NRG1: variants seen among roughly 807,000 people sequenced by gnomAD.
NRG1 encodes pro-neuregulin-1, membrane-bound isoform.
In NRG1, 18 loss-of-function variants were observed where a neutral mutation model predicts 63.8. That is an observed-to-expected ratio of 0.28 (90% CI 0.19 to 0.42). The LOEUF (loss-of-function observed/expected upper bound fraction) is 0.42. Ranked by LOEUF, NRG1 falls within the 10% of genes least tolerant of loss-of-function variation. The pLI is 1.00. For synonymous variants in NRG1, 302 were observed against 301.3 expected (o/e 1.00, Z -0.02); for missense variants, 762 against 814.7 (o/e 0.94, Z 0.79).
chr8:32,118,380 C>T (rs776166043), intron 1 of NRG1, among the ~76,000 whole-genome samples: 6 of 152,116 alleles, frequency 3.9e-5, no homozygotes, highest in African/African-American at 1.4e-4. Context: ...CTTCCTCTCT[C>T]TCCATGTGAT....
chr8:32,474,387 C>A (rs767096593), intron 1 of NRG1, among the ~76,000 whole-genome samples: 1 of 152,070 alleles, frequency 6.6e-6, no homozygotes, highest in Non-Finnish European at 1.5e-5. Flanking sequence ...CTCTCCCATG[C>A]GGTCTCTATT....
At chr8:32,540,723 C>T (rs759619248) in intron 1 of NRG1, among the ~76,000 whole-genome samples, 5 of 152,086 alleles carry the variant, frequency 3.3e-5, no homozygotes, top group Non-Finnish European at 5.9e-5. Flanking sequence ...TTTCTCTGGG[C>T]GCCAAAGAAT....
chr8:32,020,972 C>A (rs1401874243), intron 1 of NRG1, among the ~76,000 whole-genome samples: 2 of 152,120 alleles, frequency 1.3e-5, no homozygotes, highest in Non-Finnish European at 2.9e-5. Flanking sequence ...TCTCTTAAGG[C>A]AACTAGCATA....
intron 1 of NRG1, among the ~76,000 whole-genome samples, chr8:32,381,548 T>A (rs1164073657): frequency 6.6e-6 from 1 of 152,194 alleles, no homozygotes; most frequent in African/African-American, 2.4e-5. Flanking sequence ...TTTGGAATAA[T>A]AATTATATTC....
chr8:31,833,154 A>G (rs767398730), intron 1 of NRG1, among the ~76,000 whole-genome samples: 5 of 152,148 alleles, frequency 3.3e-5, no homozygotes, highest in Non-Finnish European at 7.4e-5. Flanking sequence ...GCACATAGAG[A>G]AGAGTGGGAT....
At chr8:32,121,723 G>C (rs1222131483) in intron 1 of NRG1, among the ~76,000 whole-genome samples, 1 of 151,976 alleles carries the variant, frequency 6.6e-6, no homozygotes, top group Non-Finnish European at 1.5e-5. Flanking sequence ...AAATCAGAGA[G>C]AGAAAGAGAG....
chr8:31,770,371 C>T (rs1013698692), intron 1 of NRG1, among the ~76,000 whole-genome samples: 1 of 151,978 alleles, frequency 6.6e-6, no homozygotes, highest in African/African-American at 2.4e-5. Context: ...GTTGCTGCAG[C>T]GTGATGGTTC....
chr8:31,757,893 C>T (rs1817137937), intron 1 of NRG1, among the ~76,000 whole-genome samples: 1 of 152,000 alleles, frequency 6.6e-6, no homozygotes. Flanking sequence ...TCTTTATGCA[C>T]CTTCCCATCC....
intron 1 of NRG1, among the ~76,000 whole-genome samples, chr8:31,806,407 A>G (rs11775517): frequency 0.22 from 32,934 of 152,102 alleles, 3,946 homozygotes; most frequent in Middle Eastern, 0.25. Context: ...TTACAAATTA[A>G]TTATGCTACA....
At chr8:32,394,517 G>A (rs1412267905) in intron 1 of NRG1, among the ~76,000 whole-genome samples, 1 of 152,146 alleles carries the variant, frequency 6.6e-6, no homozygotes, top group Non-Finnish European at 1.5e-5. Flanking sequence ...AACCTACAAA[G>A]TCAATCTGGG....
chr8:31,919,910 A>C (rs903097904), intron 1 of NRG1, among the ~76,000 whole-genome samples: 2 of 152,158 alleles, frequency 1.3e-5, no homozygotes, highest in African/African-American at 4.8e-5. Flanking sequence ...TTTGAAATTG[A>C]GAATGTTTGT....
intron 7 of NRG1, among the ~76,000 whole-genome samples, chr8:32,748,421 G>A (rs1036889688): frequency 5.4e-5 from 8 of 147,992 alleles, no homozygotes; most frequent in East Asian, 2.0e-4. Context: ...AGAGCCTTCC[G>A]CATCATGAAA....
At chr8:32,756,582 C>T (rs757839312) in intron 9 of NRG1, 53 bp downstream of exon 9, 77 of 1,531,930 alleles carry the variant, frequency 5.0e-5, no homozygotes, top group African/African-American at 2.5e-4. Context: ...TTTGTTCAGA[C>T]GCCTTGAAGT....
At chr8:32,087,260 T>G (rs1481423096) in intron 1 of NRG1, among the ~76,000 whole-genome samples, 1 of 152,016 alleles carries the variant, frequency 6.6e-6, no homozygotes, top group East Asian at 1.9e-4. Flanking sequence ...TGGTGATAAG[T>G]AAGTTTTTGC....
intron 1 of NRG1, among the ~76,000 whole-genome samples, chr8:32,284,439 C>T (rs1853248826): frequency 6.6e-6 from 1 of 150,478 alleles, no homozygotes; most frequent in Non-Finnish European, 1.5e-5. Context: ...ACAAAGTCTT[C>T]CTTGCCATTT....
intron 1 of NRG1, among the ~76,000 whole-genome samples, chr8:31,726,134 C>T (rs1813412611): frequency 1.3e-5 from 2 of 151,436 alleles, no homozygotes; most frequent in Non-Finnish European, 2.9e-5. Context: ...GGATTATTTT[C>T]CTATTAAAAA....
At chr8:31,939,009 G>A (rs1208556488) in intron 1 of NRG1, among the ~76,000 whole-genome samples, 1 of 152,168 alleles carries the variant, frequency 6.6e-6, no homozygotes, top group Non-Finnish European at 1.5e-5. Context: ...AATTGAGGAA[G>A]ATATCCCCGG....
intron 1 of NRG1, among the ~76,000 whole-genome samples, chr8:32,225,870 C>T (rs1846263018): frequency 6.6e-6 from 1 of 152,072 alleles, no homozygotes; most frequent in Non-Finnish European, 1.5e-5. Context: ...AAATAAATTG[C>T]ATAATTAGTC....
intron 1 of NRG1, among the ~76,000 whole-genome samples, chr8:31,711,599 T>G (rs1309374393): frequency 6.6e-6 from 1 of 152,214 alleles, no homozygotes; most frequent in Middle Eastern, 3.2e-3. Context: ...CAAAGACTTT[T>G]GGGGAGCTTA....
Sources: gnomAD v4.1 joint callset for allele counts (sites outside exome capture counted in the v4.1 genomes callset) on GRCh38, gnomAD v4.1.1 for gene constraint, MANE v1.5 for transcripts, NCBI Gene and HGNC (gene_info 2026-07-23, HGNC 2026-07-21) for gene names.